The following TSPAN32 variants were observed in gnomAD, a reference collection of about 807,000 sequenced individuals.
TSPAN32 encodes the protein tetraspanin 32.
TSPAN32 carries 47 observed loss-of-function variants against 42.7 expected under a neutral mutation model. The observed-to-expected ratio is 1.10, with a 90% CI of 0.87 to 1.40. TSPAN32 has a LOEUF of 1.40. TSPAN32 is among the 40% of genes most tolerant of loss of function. The pLI, the probability that TSPAN32 is intolerant of heterozygous loss-of-function variation, is 0.00. For synonymous variants in TSPAN32, 175 were observed against 175.9 expected (o/e 0.99, Z 0.04); for missense variants, 469 against 424.1 (o/e 1.11, Z -0.93).
In TSPAN32 at chr11:2,313,175, C is replaced by A. The variant is rs544584269; in HGVS notation, c.355-479C>A. Among the ~76,000 whole-genome samples the A allele has an allele frequency of 9.2e-5, 14 of 152,274 alleles. No individual in the cohort carries two copies. The East Asian group carries it at 2.7e-3, about 29-fold the overall frequency. On this transcript the variant is annotated intron_variant, in intron 4 of 9. Coordinates refer to ENST00000182290, the MANE Select transcript of TSPAN32 (RefSeq NM_139022.3). This position sits in a 1 kb window ranked among gnomAD's most constrained non-coding sequence, Gnocchi z 9.1. ...AAAAGCCTTACCCGGAGCCCAGCTG[C>A]CCGGGCTTCCAGAAGGCAGCCGGGT...
rs1848573949 is a variant in TSPAN32 at position 2,313,288 on chromosome 11, G to A, written c.355-366G>A. On this transcript the variant is annotated intron_variant, in intron 4 of 9. Coordinates refer to ENST00000182290, the MANE Select transcript of TSPAN32 (RefSeq NM_139022.3). This position sits in a 1 kb window ranked among gnomAD's most constrained non-coding sequence, Gnocchi z 9.1. ...TCTCAAGCCTTTTCCACCAGGCCCA[G>A]CCCCATCCCCCATTTCCGGGTCAAC... 6.6e-6 allele frequency among the ~76,000 whole-genome samples: 1 copy of A among 152,206 alleles called. No homozygotes were observed. Among genetic ancestry groups the A allele is most frequent in the African/African-American group, 2.4e-5 (1 of 41,452 alleles).
chr11:2,315,533 G>T, intron 6 of TSPAN32: 1 of 1,163,628 alleles, frequency 8.6e-7, no homozygotes. Context: ...CTCCTGGGGA[G>T]CCGGAAGAGC....
At chr11:2,303,099 C>G in intron 2 of TSPAN32, 141 bp downstream of exon 2, 1 of 735,100 alleles carries the variant, frequency 1.4e-6, no homozygotes, top group Admixed American at 2.8e-5. Flanking sequence ...CAGGGAGGGG[C>G]TGCCCTGGAG....
intron 4 of TSPAN32, among the ~76,000 whole-genome samples, chr11:2,312,618 G>A (rs921066414): frequency 2.0e-5 from 3 of 152,224 alleles, no homozygotes; most frequent in Non-Finnish European, 4.4e-5. Context: ...CCCACTGCCC[G>A]CCCAGTTGGC....
chr11:2,302,247 G>A, intron 1 of TSPAN32, 32 bp downstream of exon 1: 1 of 1,381,714 alleles, frequency 7.2e-7, no homozygotes, highest in Non-Finnish European at 9.4e-7. Context: ...AGTGGGTGGT[G>A]GGTGGGGGTG....
At chr11:2,316,478 G>C in intron 7 of TSPAN32, 98 bp from the exon 8 acceptor site, 1 of 1,591,052 alleles carries the variant, frequency 6.3e-7, no homozygotes, top group Non-Finnish European at 8.5e-7. Flanking sequence ...GCCTCCTACA[G>C]CTGGGCCGCC....
chr11:2,302,823 CTG>C lies in TSPAN32; in HGVS notation c.67-20_67-19del, dbSNP rs767716890. The C allele has an allele frequency of 6.2e-7, 1 of 1,605,592 alleles. No homozygotes were observed. Among genetic ancestry groups the C allele is most frequent in the Non-Finnish European group, 8.5e-7 (1 of 1,173,160 alleles). On this transcript the variant is annotated intron_variant, in intron 1 of 9. Transcript: ENST00000182290. ...CTGCAGCAGTCCCATGCCCCACACTCTGAGTCTGCCCTATCCACAGCTGCTGG... is the reference window on the plus strand; with the variant it reads ...CTGCAGCAGTCCCATGCCCCACACTCAGTCTGCCCTATCCACAGCTGCTGG...
rs1266632693 is a variant in TSPAN32, at chr11:2,314,528, G to T, written c.500G>T (p.Ser167Ile). 2 of 1,612,330 alleles carry T rather than the reference G, an allele frequency of 1.2e-6. No individual in the cohort carries two copies. Among genetic ancestry groups the T allele is most frequent in the Admixed American group, 1.7e-5 (1 of 59,794 alleles). ...AAGTCTCCTTTCAGCCGTCTGGGGA[G>T]CACAGAGGCTGACCTGTGTCAGGGA... ...GKKSPFSRLG[S>I]TEADLCQGEE... The change falls in exon 6 of 10, where the codon AGC (serine) becomes ATC (isoleucine). Residue 167 changes from serine (S) to isoleucine (I), a missense_variant. Coordinates refer to ENST00000182290, the MANE Select transcript of TSPAN32 (RefSeq NM_139022.3).
intron 6 of TSPAN32, chr11:2,316,015 C>T: frequency 6.5e-7 from 1 of 1,534,056 alleles, no homozygotes. Flanking sequence ...TGCCAGAGTG[C>T]CCACAGAGGC....
intron 5 of TSPAN32, 126 bp from the exon 6 acceptor site, chr11:2,314,359 A>G: frequency 1.3e-6 from 1 of 759,784 alleles, no homozygotes; most frequent in Non-Finnish European, 2.3e-6. Flanking sequence ...CAATACCAGT[A>G]GCCCCAGCCC....
At position 2,313,888 on chromosome 11, in the gene TSPAN32, C is replaced by A. The variant is rs757680198; in HGVS notation, c.456+133C>A. ...GGTTCCAGGACACAGGCCAGAGTTGCCCCTCAGGGCTGGGGGCAAAAAGCT... is the reference window on the plus strand; with the variant it reads ...GGTTCCAGGACACAGGCCAGAGTTGACCCTCAGGGCTGGGGGCAAAAAGCT... On this transcript the variant is annotated intron_variant, in intron 5 of 9. Transcript: ENST00000182290. The surrounding 1 kb of genome is among the most constrained non-coding windows in gnomAD (Gnocchi z 9.1). 2.7e-5 allele frequency: 20 copies of A among 728,902 alleles called. No individual in the cohort carries two copies. The highest frequency in any genetic ancestry group is 5.3e-5 in the Admixed American group (2 of 38,058). 45.2% of individuals were successfully genotyped at this position (728,902 alleles called of 1,614,324 possible).
intron 6 of TSPAN32, 121 bp downstream of exon 6, chr11:2,314,692 G>A (rs925624305): frequency 2.7e-6 from 2 of 749,484 alleles, no homozygotes; most frequent in East Asian, 2.7e-5. Flanking sequence ...AGACCCTTGG[G>A]AACTGCCGCT....
chr11:2,317,209 T>C lies in TSPAN32; in HGVS notation c.720-135T>C. ...ACAGCCTCACAGTCCCCCTAGAACA[T>C]TCCACAGCAGCTCCATAATCCCCTC... On this transcript the variant is annotated intron_variant, in intron 8 of 9. Coordinates refer to ENST00000182290, the MANE Select transcript of TSPAN32 (RefSeq NM_139022.3). The surrounding 1 kb of genome is among the most constrained non-coding windows in gnomAD (Gnocchi z 6.2). 1 of 704,016 alleles carries C rather than the reference T, an allele frequency of 1.4e-6. No individual in the cohort carries two copies. Among genetic ancestry groups the C allele is most frequent in the Non-Finnish European group, 2.4e-6 (1 of 417,574 alleles). 43.6% of individuals were successfully genotyped at this position (704,016 alleles called of 1,614,324 possible). A position where few individuals can be genotyped will look rare whatever the true frequency, so the allele number is the denominator to read the frequency against.
intron 4 of TSPAN32, 34 bp downstream of exon 4, chr11:2,308,844 G>C (rs868664499): frequency 6.8e-7 from 1 of 1,464,250 alleles, no homozygotes; most frequent in East Asian, 2.5e-5. Context: ...TGCAGTGGAG[G>C]GTCCCCCAGT....
chr11:2,311,632 C>G (rs1478001975), intron 4 of TSPAN32, among the ~76,000 whole-genome samples: 9 of 152,200 alleles, frequency 5.9e-5, no homozygotes, highest in Non-Finnish European at 1.3e-4. Context: ...CCCCACCTGC[C>G]GTTCAGGACC....
Position 2,304,156 on chromosome 11 carries a change from G to T in TSPAN32, c.231G>T (p.Val77=). Residue 77 remains valine (V), a synonymous_variant, in exon 3 of 10, where the codon GTG becomes GTT. Transcript: ENST00000182290. This position sits in a 1 kb window ranked among gnomAD's most constrained non-coding sequence, Gnocchi z 4.8. ...TGGGCCTCCTGACTCTGGGAGCCGTGCTGAGCGCTGCAGCCACCGTGAGGG... is the reference window on the plus strand; with the variant it reads ...TGGGCCTCCTGACTCTGGGAGCCGTTCTGAGCGCTGCAGCCACCGTGAGGG... ...SLVGLLTLGA[V]LSAAATVREA... 6.3e-7 allele frequency: 1 copy of T among 1,588,592 alleles called. No individual in the cohort carries two copies.
intron 4 of TSPAN32, among the ~76,000 whole-genome samples, chr11:2,310,391 C>T (rs1374318994): frequency 1.3e-5 from 2 of 152,206 alleles, no homozygotes; most frequent in Non-Finnish European, 2.9e-5. Context: ...CCTGTCCCAG[C>T]CCCAGGCAGC....
At position 2,317,420 on chromosome 11, in the gene TSPAN32, G is replaced by C; in HGVS notation, c.796G>C (p.Glu266Gln). The C allele has an allele frequency of 6.2e-7, 1 of 1,603,208 alleles. No homozygotes were observed. Among genetic ancestry groups the C allele is most frequent in the African/African-American group, 1.3e-5 (1 of 74,802 alleles). ...TGGACCCACACATTGTCTCCACTCC[G>C]AAGCAGTTGCTATTGGTCCAAGAGG... The part of the protein sequence containing the change: ...QGGPTHCLHS[E>Q]AVAIGPRGCS... The change falls in exon 9 of 10, where the codon GAA (glutamate) becomes CAA (glutamine). Residue 266 changes from glutamate (E) to glutamine (Q), a missense_variant. Physicochemically the swap from Glu to Gln is conservative, Grantham distance 29. Coordinates refer to ENST00000182290, the MANE Select transcript of TSPAN32 (RefSeq NM_139022.3). The surrounding 1 kb of genome is among the most constrained non-coding windows in gnomAD (Gnocchi z 6.2).
Position 2,318,113 on chromosome 11 carries a change from A to G in TSPAN32, c.*189A>G, listed in dbSNP as rs544518851. ...GGTGCATTGAGCAAATTGTGGTCAA[A>G]TATACATCACATCAAATTTACCATC... On this transcript the variant is annotated 3_prime_UTR_variant, in exon 10 of 10. Transcript: ENST00000182290. The surrounding 1 kb of genome is among the most constrained non-coding windows in gnomAD (Gnocchi z 4.2). The G allele has an allele frequency of 1.8e-6, 1 of 561,862 alleles. No individual in the cohort carries two copies. The highest frequency in any genetic ancestry group is 2.4e-5 in the South Asian group (1 of 41,606). The allele number at this position is 561,862 out of a possible 1,614,324, so 34.8% of individuals were successfully genotyped here.
Sources: gnomAD v4.1 joint callset for allele counts (sites outside exome capture counted in the v4.1 genomes callset) on GRCh38, gnomAD v4.1.1 for gene constraint, Gnocchi (gnomAD v3.1) non-coding constraint, MANE v1.5 for transcripts, NCBI Gene and HGNC (gene_info 2026-07-23, HGNC 2026-07-21) for gene names.